CCSER1: variants seen among roughly 807,000 people sequenced by gnomAD.
CCSER1 encodes serine-rich coiled-coil domain-containing protein 1.
Under a neutral mutation model 82.0 loss-of-function variants are expected in CCSER1, and 41 were observed. The ratio of observed to expected loss-of-function variants is 0.50; its 90% CI spans 0.39 to 0.65. The LOEUF (loss-of-function observed/expected upper bound fraction) is 0.65, where lower values mean the gene tolerates loss of function less well. CCSER1 is among the 30% of genes least tolerant of loss of function. The pLI is 0.00. For synonymous variants in CCSER1, 414 were observed against 383.9 expected (o/e 1.08, Z -0.92); for missense variants, 1,119 against 1,064.2 (o/e 1.05, Z -0.72).
intron 1 of CCSER1, among the ~76,000 whole-genome samples, chr4:90,201,757 A>G (rs772010683): frequency 1.1e-4 from 16 of 152,172 alleles, no homozygotes; most frequent in Non-Finnish European, 2.1e-4. Context: ...GAAGAGGTGT[A>G]TAGTATATGC....
chr4:90,607,211 T>G (rs1784841136), intron 5 of CCSER1, among the ~76,000 whole-genome samples: 2 of 152,198 alleles, frequency 1.3e-5, no homozygotes, highest in Admixed American at 1.3e-4. Context: ...TGAAAGGCAG[T>G]GAAAACCGTT....
At chr4:91,261,847 A>C (rs1741205727) in intron 10 of CCSER1, among the ~76,000 whole-genome samples, 4 of 152,174 alleles carry the variant, frequency 2.6e-5, no homozygotes, top group African/African-American at 9.7e-5. Context: ...TTTGAAGTAC[A>C]TATGTCCATT....
At chr4:91,087,470 GATTTT>G (rs943626606) in intron 10 of CCSER1, among the ~76,000 whole-genome samples, 10 of 151,984 alleles carry the variant, frequency 6.6e-5, no homozygotes, top group African/African-American at 2.2e-4. Flanking sequence ...AACGTCCTTT[GATTTT>G]ATTTTTATTA....
chr4:90,426,871 C>T (rs1757595042), intron 4 of CCSER1, among the ~76,000 whole-genome samples: 2 of 152,018 alleles, frequency 1.3e-5, no homozygotes, highest in Admixed American at 6.6e-5. Context: ...TTTATTTCTA[C>T]TAGAATAGGC....
intron 10 of CCSER1, among the ~76,000 whole-genome samples, chr4:91,235,846 G>C (rs1738959043): frequency 6.6e-6 from 1 of 152,104 alleles, no homozygotes; most frequent in Non-Finnish European, 1.5e-5. Flanking sequence ...TATTAGAAAA[G>C]AGATTCTTTC....
chr4:90,750,241 T>G (rs1484313382), intron 7 of CCSER1, among the ~76,000 whole-genome samples: 1 of 152,064 alleles, frequency 6.6e-6, no homozygotes, highest in African/African-American at 2.4e-5. Context: ...ATTTTGTGGG[T>G]TGCCTGTTCG....
intron 5 of CCSER1, among the ~76,000 whole-genome samples, chr4:90,550,166 A>T (rs1777283421): frequency 6.6e-6 from 1 of 152,152 alleles, no homozygotes; most frequent in Admixed American, 6.6e-5. Context: ...AGGGGTAGTT[A>T]TAAAGAGATT....
chr4:91,111,359 TTAG>T, intron 10 of CCSER1, among the ~76,000 whole-genome samples: 1 of 152,124 alleles, frequency 6.6e-6, no homozygotes, highest in Non-Finnish European at 1.5e-5. Flanking sequence ...GCATGTGGAT[TTAG>T]TACATAGGTT....
At chr4:90,539,437 T>C (rs1775828357) in intron 5 of CCSER1, among the ~76,000 whole-genome samples, 1 of 152,098 alleles carries the variant, frequency 6.6e-6, no homozygotes, top group African/African-American at 2.4e-5. Context: ...TTTAGTGACT[T>C]TTTTATGTGA....
intron 3 of CCSER1, among the ~76,000 whole-genome samples, chr4:90,375,332 G>A (rs1232382057): frequency 6.6e-6 from 1 of 152,132 alleles, no homozygotes; most frequent in African/African-American, 2.4e-5. Flanking sequence ...ATTCCTTCCA[G>A]ATGACAGAGC....
intron 9 of CCSER1, among the ~76,000 whole-genome samples, chr4:90,929,226 T>C (rs1419789791): frequency 6.6e-6 from 1 of 152,064 alleles, no homozygotes; most frequent in Non-Finnish European, 1.5e-5. Flanking sequence ...AATGATTACT[T>C]GGTGAAAAAA....
At chr4:90,394,395 A>C (rs1382122982) in intron 3 of CCSER1, among the ~76,000 whole-genome samples, 1 of 152,164 alleles carries the variant, frequency 6.6e-6, no homozygotes, top group Non-Finnish European at 1.5e-5. Context: ...TCTTGATATC[A>C]AGTCATTTGG....
At chr4:91,211,254 G>A (rs34807310) in intron 10 of CCSER1, among the ~76,000 whole-genome samples, 8,392 of 152,022 alleles carry the variant, frequency 0.055, 357 homozygotes, top group Non-Finnish European at 0.087. Flanking sequence ...GGGATATAAC[G>A]GAGCAAGTGG....
intron 5 of CCSER1, among the ~76,000 whole-genome samples, chr4:90,488,941 G>A (rs140287774): frequency 5.0e-3 from 765 of 152,258 alleles, no homozygotes; most frequent in Non-Finnish European, 7.8e-3. Flanking sequence ...TTTGTAGGTA[G>A]TCAGTTCACT....
intron 10 of CCSER1, among the ~76,000 whole-genome samples, chr4:91,551,656 AAC>A (rs58159693): frequency 0.31 from 42,739 of 138,970 alleles, 6,169 homozygotes; most frequent in East Asian, 0.35. Flanking sequence ...GCAAAAAACA[AAC>A]ACACACACAC....
intron 10 of CCSER1, among the ~76,000 whole-genome samples, chr4:91,554,394 C>T (rs1352210035): frequency 6.6e-6 from 1 of 151,050 alleles, no homozygotes; most frequent in East Asian, 1.9e-4. Flanking sequence ...TCATTATAAC[C>T]TTTTGATCTA....
chr4:91,281,529 G>A lies in CCSER1; in HGVS notation c.2217+195535G>A, dbSNP rs528937514. Among the ~76,000 whole-genome samples the A allele has an allele frequency of 1.2e-4, 18 of 152,226 alleles. No homozygotes were observed. In the South Asian group the frequency reaches 3.7e-3, roughly 32 times the overall value. ...AACTGTAGGGGAGAACTGTGATCTG[G>A]GGAGACAACTCAGGATGTCGACCAT... On this transcript the variant is annotated intron_variant, in intron 10 of 10. Transcript: ENST00000509176.
At chr4:90,603,645 CT>C (rs1784290495) in intron 5 of CCSER1, among the ~76,000 whole-genome samples, 1 of 152,130 alleles carries the variant, frequency 6.6e-6, no homozygotes, top group African/African-American at 2.4e-5. Flanking sequence ...AGTAAATAAC[CT>C]TGTACATCTC....
intron 8 of CCSER1, among the ~76,000 whole-genome samples, chr4:90,912,675 G>C (rs995416114): frequency 2.6e-5 from 4 of 151,938 alleles, no homozygotes; most frequent in African/African-American, 9.7e-5. Flanking sequence ...AGGCTTCAGA[G>C]GATCAAACGT....
Sources: gnomAD v4.1 joint callset for allele counts (sites outside exome capture counted in the v4.1 genomes callset) on GRCh38, gnomAD v4.1.1 for gene constraint, MANE v1.5 for transcripts, NCBI Gene and HGNC (gene_info 2026-07-23, HGNC 2026-07-21) for gene names.